The following CENPP variants were observed in gnomAD, a reference collection of about 807,000 sequenced individuals.
The protein encoded by CENPP is centromere protein P.
Under a neutral mutation model 35.6 loss-of-function variants are expected in CENPP, and 24 were observed. That is an observed-to-expected ratio of 0.67 (90% confidence interval 0.49 to 0.95). The LOEUF is 0.95. CENPP is among the 40% of genes least tolerant of loss of function. The pLI is 0.00. For missense variants in CENPP, 332 were observed against 345.3 expected (o/e 0.96, Z 0.31); for synonymous variants, 120 against 125.5 (o/e 0.96, Z 0.29).
intron 5 of CENPP, among the ~76,000 whole-genome samples, chr9:92,390,505 AACAAAG>A (rs1284282304): frequency 2.0e-5 from 3 of 152,292 alleles, no homozygotes; most frequent in African/African-American, 4.8e-5. Context: ...GCTTAACAAC[AACAAAG>A]ACAAAGATGT....
At chr9:92,341,033 G>A (rs190954639) in intron 3 of CENPP, among the ~76,000 whole-genome samples, 6 of 152,166 alleles carry the variant, frequency 3.9e-5, no homozygotes, top group South Asian at 2.1e-4. Context: ...AAGAGAATAC[G>A]TGCCTGGAGG....
chr9:92,404,749 T>A, intron 5 of CENPP: 1 of 790,798 alleles, frequency 1.3e-6, no homozygotes, highest in Middle Eastern at 3.0e-4. Flanking sequence ...ACTGCTGCAC[T>A]CAGTCTGCTT....
chr9:92,334,171 A>C (rs1588033771), intron 2 of CENPP, among the ~76,000 whole-genome samples: 1 of 138,210 alleles, frequency 7.2e-6, no homozygotes, highest in Non-Finnish European at 1.5e-5. Flanking sequence ...CCCAGGCTGG[A>C]GTGCAGTGGT....
At chr9:92,465,101 AC>A (rs1845255977) in intron 5 of CENPP, 2 of 1,010,754 alleles carry the variant, frequency 2.0e-6, no homozygotes, top group African/African-American at 1.6e-5. Context: ...GCAGAGAGAC[AC>A]ATCCCAAGAA....
intron 5 of CENPP, among the ~76,000 whole-genome samples, chr9:92,531,994 C>G (rs868181663): frequency 2.0e-5 from 2 of 97,662 alleles, no homozygotes; most frequent in African/African-American, 1.1e-4. Flanking sequence ...ACCTACTTTT[C>G]TTTTTCTTTT....
At chr9:92,552,080 CATATATGTGATATGATAGATCTATCAT>C (rs1564000223) in intron 5 of CENPP, among the ~76,000 whole-genome samples, 135 of 74,502 alleles carry the variant, frequency 1.8e-3, no homozygotes, top group Middle Eastern at 8.5e-3. Context: ...ATAGATCTAT[CATATATGTGATATGATAGATCTATCAT>C]ATATATGTGA....
At chr9:92,426,320 T>A (rs1247591912) in intron 5 of CENPP, among the ~76,000 whole-genome samples, 1 of 152,152 alleles carries the variant, frequency 6.6e-6, no homozygotes, top group Non-Finnish European at 1.5e-5. Context: ...ATTCAGTATC[T>A]CAAAGCTGAG....
intron 5 of CENPP, among the ~76,000 whole-genome samples, chr9:92,391,609 AC>A (rs1564294113): frequency 6.6e-6 from 1 of 151,778 alleles, no homozygotes; most frequent in Non-Finnish European, 1.5e-5. Context: ...AAACAAAAAA[AC>A]CCCCCAAAAA....
At chr9:92,419,348 T>G (rs992174616) in intron 5 of CENPP, among the ~76,000 whole-genome samples, 32 of 147,230 alleles carry the variant, frequency 2.2e-4, no homozygotes, top group African/African-American at 8.1e-4. Context: ...TTGCCCAGAC[T>G]GGAGTGCAGT....
chr9:92,375,738 T>C (rs925549567), intron 4 of CENPP, among the ~76,000 whole-genome samples: 1 of 152,202 alleles, frequency 6.6e-6, no homozygotes, highest in Non-Finnish European at 1.5e-5. Context: ...TCCTGTTTGT[T>C]GCATACTTTG....
intron 5 of CENPP, among the ~76,000 whole-genome samples, chr9:92,558,701 C>G (rs1400105906): frequency 6.6e-6 from 1 of 152,040 alleles, no homozygotes; most frequent in Non-Finnish European, 1.5e-5. Context: ...CCTAGAATTC[C>G]CAAGACTATA....
chr9:92,577,371 TG>T (rs771666714), intron 5 of CENPP, among the ~76,000 whole-genome samples: 16 of 152,026 alleles, frequency 1.1e-4, no homozygotes, highest in Non-Finnish European at 2.2e-4. Context: ...AAATATTAGC[TG>T]GGCATGGTGG....
chr9:92,582,030 G>GTGTTTTGTTTGGTTTTGTTT (rs1554690207), intron 5 of CENPP, among the ~76,000 whole-genome samples: 8 of 149,528 alleles, frequency 5.4e-5, no homozygotes, highest in African/African-American at 2.0e-4. Flanking sequence ...ACACTTGGTG[G>GTGTTTTGTTTGGTTTTGTTT]TGTTTTGTTT....
intron 4 of CENPP, among the ~76,000 whole-genome samples, chr9:92,364,379 G>C (rs1246388175): frequency 1.3e-5 from 2 of 151,980 alleles, no homozygotes; most frequent in Non-Finnish European, 1.5e-5. Context: ...TATGATTTTG[G>C]TCTTAAAAGT....
chr9:92,395,376 T>G (rs867506650), intron 5 of CENPP, among the ~76,000 whole-genome samples: 1 of 152,238 alleles, frequency 6.6e-6, no homozygotes, highest in African/African-American at 2.4e-5. Context: ...TCTTCTTTAT[T>G]ACTCAGTAGT....
At chr9:92,591,235 C>G (rs1001592765) in intron 5 of CENPP, among the ~76,000 whole-genome samples, 1 of 151,760 alleles carries the variant, frequency 6.6e-6, no homozygotes, top group Non-Finnish European at 1.5e-5. Context: ...CTGGCTAAAA[C>G]GGTGAAACCC....
At chr9:92,418,631 T>C (rs1467029475) in intron 5 of CENPP, among the ~76,000 whole-genome samples, 1 of 152,184 alleles carries the variant, frequency 6.6e-6, no homozygotes, top group Non-Finnish European at 1.5e-5. Context: ...AGGAAAGACC[T>C]TTATTTTAGT....
chr9:92,457,099 C>T, intron 5 of CENPP: 2 of 1,380,364 alleles, frequency 1.4e-6, no homozygotes, highest in Non-Finnish European at 9.3e-7. Context: ...TTTCTCTCAA[C>T]CCTTATGTAT....
Position 92,613,455 on chromosome 9 carries a change from C to A in CENPP, c.*306C>A. 3.1e-6 allele frequency: 1 copy of A among 319,144 alleles called. No individual in the cohort carries two copies. The highest frequency in any genetic ancestry group is 6.1e-6 in the Non-Finnish European group (1 of 164,684). The allele number at this position is 319,144 out of a possible 1,614,324, so 19.8% of individuals were successfully genotyped here. On this transcript the variant is annotated 3_prime_UTR_variant, in exon 8 of 8. Coordinates refer to ENST00000375587, the MANE Select transcript of CENPP (RefSeq NM_001012267.3). ...GGGAGGATCCATCCCCCACCCACTG[C>A]AGCCTCACACCGAGTCCACCTTGGA...
Sources: allele counts gnomAD v4.1 joint callset (sites outside exome capture counted in the v4.1 genomes callset), GRCh38; gene constraint gnomAD v4.1.1; transcripts MANE v1.5; gene names NCBI Gene and HGNC (gene_info 2026-07-23, HGNC 2026-07-21).